The following TMEM39A variants were observed in gnomAD, a reference collection of about 807,000 sequenced individuals.
TMEM39A encodes suppressor of SQST-1 aggregates in rpl-43 mutants.
Under a neutral mutation model 51.9 loss-of-function variants are expected in TMEM39A, and 19 were observed. That is an observed-to-expected ratio of 0.37 (90% CI 0.26 to 0.54). TMEM39A has a LOEUF of 0.54. Ranked by LOEUF, TMEM39A falls within the 20% of genes least tolerant of loss-of-function variation. The pLI, the probability that TMEM39A is intolerant of heterozygous loss-of-function variation, is 0.88. For synonymous variants in TMEM39A, 197 were observed against 220.2 expected (o/e 0.89, Z 0.93); for missense variants, 433 against 590.5 (o/e 0.73, Z 2.76).
At position 119,436,898 on chromosome 3, in the gene TMEM39A, C is replaced by T. The variant is rs548474550; in HGVS notation, c.1005G>A (p.Thr335=). The change falls in exon 7 of 9, where the codon ACG becomes ACA. Residue 335 remains threonine, a synonymous_variant. Transcript: ENST00000319172. The part of the protein sequence containing the change: ...VWINAFVMLT[T]QLLPSKYCDL... ...CACAGTATTTGGATGGCAACAGTTG[C>T]GTGGTGAGCATGACAAAAGCATTGA... 18 of 1,613,852 alleles carry T rather than the reference C, an allele frequency of 1.1e-5. No individual in the cohort carries two copies. Among genetic ancestry groups the T allele is most frequent in the South Asian group, 5.5e-5 (5 of 91,068 alleles).
chr3:119,440,940 CA>C (rs2081044284), intron 5 of TMEM39A, among the ~76,000 whole-genome samples: 1 of 152,074 alleles, frequency 6.6e-6, no homozygotes, highest in South Asian at 2.1e-4. Flanking sequence ...GTAATTCTCC[CA>C]ATATTTCAAA....
chr3:119,433,991 G>A (rs938161740), intron 8 of TMEM39A, among the ~76,000 whole-genome samples: 46 of 152,192 alleles, frequency 3.0e-4, no homozygotes, highest in Non-Finnish European at 1.2e-4. Context: ...AGAGATGCAA[G>A]TATCTTAAAA....
At chr3:119,435,676 TAAAAA>T (rs11410721) in intron 7 of TMEM39A, 5 of 932,008 alleles carry the variant, frequency 5.4e-6, no homozygotes, top group Admixed American at 6.5e-5. Flanking sequence ...GATATGTTAT[TAAAAA>T]AAAAAAAAAA....
At chr3:119,449,925 G>T (rs538912769) in intron 4 of TMEM39A, among the ~76,000 whole-genome samples, 2 of 152,004 alleles carry the variant, frequency 1.3e-5, no homozygotes, top group East Asian at 1.9e-4. Flanking sequence ...TAGCATTTCC[G>T]TTTATGAATT....
At position 119,463,364 on chromosome 3, in the gene TMEM39A, G is replaced by A. The variant is rs894286662; in HGVS notation, c.-103C>T. 2.6e-6 allele frequency: 1 copy of A among 383,944 alleles called. No homozygotes were observed. Among genetic ancestry groups the A allele is most frequent in the African/African-American group, 2.1e-5 (1 of 48,250 alleles). The allele number at this position is 383,944 out of a possible 1,614,324, so 23.8% of individuals were successfully genotyped here. ...TGGAAGAGTCCCAGCCGGTGGGGCG[G>A]GGTCCCTAGAAAGCGGCGACAACTT... is the stretch of plus-strand genomic sequence containing the variant. On this transcript the variant is annotated 5_prime_UTR_variant, in exon 1 of 9. Transcript: ENST00000319172.
chr3:119,438,458 G>C (rs2081004844), intron 5 of TMEM39A, among the ~76,000 whole-genome samples: 1 of 152,004 alleles, frequency 6.6e-6, no homozygotes, highest in South Asian at 2.1e-4. Context: ...TTTTGTGTTT[G>C]GCTTCATACA....
rs2081059564 is a variant in TMEM39A, at chr3:119,442,004, G to A, written c.576-3901C>T. ...GTTTACAGCATGGTTTACTGAATAAGCTCACTGTTGAACCTACGGTTTAGA... is the reference window on the plus strand; with the variant it reads ...GTTTACAGCATGGTTTACTGAATAAACTCACTGTTGAACCTACGGTTTAGA... On this transcript the variant is annotated intron_variant, in intron 5 of 8. Coordinates refer to ENST00000319172, the MANE Select transcript of TMEM39A (RefSeq NM_018266.3). Among the ~76,000 whole-genome samples the A allele has an allele frequency of 3.3e-5, 5 of 152,186 alleles. No homozygotes were observed. In the South Asian group the frequency reaches 1.0e-3, roughly 32 times the overall value.
At chr3:119,455,217 T>G (rs939367450) in intron 3 of TMEM39A, among the ~76,000 whole-genome samples, 1 of 152,222 alleles carries the variant, frequency 6.6e-6, no homozygotes, top group African/African-American at 2.4e-5. Flanking sequence ...GTAACCACCT[T>G]CCACACTTCA....
At chr3:119,452,612 C>G in intron 3 of TMEM39A, 82 bp from the exon 4 acceptor site, 2 of 1,105,100 alleles carry the variant, frequency 1.8e-6, no homozygotes, top group Non-Finnish European at 2.7e-6. Flanking sequence ...GAGGTTTATC[C>G]CTCAAAAGAT....
intron 5 of TMEM39A, among the ~76,000 whole-genome samples, chr3:119,443,983 C>A (rs1211438176): frequency 6.6e-6 from 1 of 152,058 alleles, no homozygotes; most frequent in Non-Finnish European, 1.5e-5. Flanking sequence ...ACTAGGAAAT[C>A]AAAAAATTGA....
At chr3:119,442,539 T>TC (rs1459318336) in intron 5 of TMEM39A, among the ~76,000 whole-genome samples, 5 of 152,124 alleles carry the variant, frequency 3.3e-5, no homozygotes, top group African/African-American at 1.2e-4. Context: ...AAATAGAGAT[T>TC]CCTCCAATGG....
At position 119,458,096 on chromosome 3, in the gene TMEM39A, A is replaced by G; in HGVS notation, c.258T>C (p.Ala86=). 1.2e-6 allele frequency: 2 copies of G among 1,614,184 alleles called. No homozygotes were observed. The highest frequency in any genetic ancestry group is 2.2e-5 in the East Asian group (1 of 44,882). Residue 86 remains alanine, a synonymous_variant, in exon 3 of 9, where the codon GCT becomes GCC. Transcript: ENST00000319172. ...AAATGTTGATGTACTGAATGAAAAG[A>G]GCAACCAACAGGTAGATGAAAAAAA... ...EFLFFIYLLV[A]LFIQYINIYK...
chr3:119,452,669 T>A, intron 3 of TMEM39A, 139 bp from the exon 4 acceptor site: 1 of 602,956 alleles, frequency 1.7e-6, no homozygotes, highest in Non-Finnish European at 2.9e-6. Flanking sequence ...ATATGAGAGA[T>A]CTTGAAGAGA....
intron 7 of TMEM39A, chr3:119,435,325 G>T (rs1183317215): frequency 1.0e-6 from 1 of 985,192 alleles, no homozygotes; most frequent in Non-Finnish European, 1.2e-6. Flanking sequence ...GACATTTACT[G>T]CAGAATTACA....
chr3:119,434,466 A>C (rs939759955), intron 8 of TMEM39A, among the ~76,000 whole-genome samples: 1 of 152,216 alleles, frequency 6.6e-6, no homozygotes, highest in Non-Finnish European at 1.5e-5. Flanking sequence ...TGGTAAGATG[A>C]AAAAGGAGTC....
intron 4 of TMEM39A, among the ~76,000 whole-genome samples, chr3:119,450,826 CAAAAAAAAAAA>C (rs60326718): frequency 3.2e-4 from 18 of 55,900 alleles, no homozygotes; most frequent in African/African-American, 7.3e-4. Flanking sequence ...GACTCCATCT[CAAAAAAAAAAA>C]AAAAAAAAAA....
chr3:119,454,204 A>G (rs889594036), intron 3 of TMEM39A, among the ~76,000 whole-genome samples: 3 of 152,230 alleles, frequency 2.0e-5, no homozygotes, highest in African/African-American at 4.8e-5. Flanking sequence ...GTGAAAAATG[A>G]TAACAGACTG....
At chr3:119,442,622 T>C (rs1311390771) in intron 5 of TMEM39A, among the ~76,000 whole-genome samples, 1 of 152,194 alleles carries the variant, frequency 6.6e-6, no homozygotes, top group Non-Finnish European at 1.5e-5. Flanking sequence ...ACATTTGTGA[T>C]TTATGAGAGG....
At chr3:119,435,244 G>A in intron 7 of TMEM39A, 5 of 985,292 alleles carry the variant, frequency 5.1e-6, no homozygotes, top group Non-Finnish European at 6.0e-6. Flanking sequence ...AATGCTAGAG[G>A]GAACAAACAA....
Sources: allele counts gnomAD v4.1 joint callset (sites outside exome capture counted in the v4.1 genomes callset), GRCh38; gene constraint gnomAD v4.1.1; transcripts MANE v1.5; gene names NCBI Gene and HGNC (gene_info 2026-07-23, HGNC 2026-07-21).